Variants in NLRC5 observed in about 807,000 individuals in gnomAD.
NLRC5 encodes the protein protein NLRC5.
Under a neutral mutation model 206.9 loss-of-function variants are expected in NLRC5, and 114 were observed. The ratio of observed to expected loss-of-function variants is 0.55; its 90% CI spans 0.47 to 0.64. The LOEUF (loss-of-function observed/expected upper bound fraction) is 0.64. Ranked by LOEUF, NLRC5 falls within the 30% of genes least tolerant of loss-of-function variation. The pLI is 0.00. For synonymous variants in NLRC5, 952 were observed against 962.8 expected, an observed-to-expected ratio of 0.99 and a Z score of 0.21; for missense variants, 2,008 against 2,305.5, an observed-to-expected ratio of 0.87 and a Z score of 2.64.
Position 57,082,722 on chromosome 16 carries a change from C to A in NLRC5, c.*194C>A. On this transcript the variant is annotated 3_prime_UTR_variant, in exon 49 of 49. Transcript: ENST00000688547. Reference sequence around the variant, plus strand: ...TTGGGAACCAGGAGCTGGGTCTGGACAAAGGAGTACCCTGCATTACGTGGG... The same window carrying A: ...TTGGGAACCAGGAGCTGGGTCTGGAAAAAGGAGTACCCTGCATTACGTGGG... The A allele has an allele frequency of 1.8e-6, 1 of 549,638 alleles. No individual in the cohort carries two copies. Among genetic ancestry groups the A allele is most frequent in the South Asian group, 2.6e-5 (1 of 39,146 alleles). 34.0% of individuals were successfully genotyped at this position (549,638 alleles called of 1,614,324 possible).
In NLRC5 at chr16:57,025,669, C is replaced by T. The variant is rs377737368; in HGVS notation, c.726C>T (p.Cys242=). 10 of 1,613,994 alleles carry T rather than the reference C, an allele frequency of 6.2e-6. No individual in the cohort carries two copies. Among genetic ancestry groups the T allele is most frequent in the South Asian group, 1.1e-5 (1 of 91,086 alleles). ...AGACCACGCTGGCCCACCGGCTCTG[C>T]CAGAAGTGGGCAGAGGGCCATCTGA... is the stretch of plus-strand genomic sequence containing the variant. ...MGKTTLAHRL[C]QKWAEGHLNC... is the part of the protein sequence containing the mutation. Residue 242 remains cysteine, a synonymous_variant, in exon 6 of 49, where the codon TGC becomes TGT. Transcript: ENST00000688547.
At chr16:57,024,580 C>T (rs953286969) in intron 5 of NLRC5, among the ~76,000 whole-genome samples, 9 of 152,326 alleles carry the variant, frequency 5.9e-5, no homozygotes, top group Non-Finnish European at 1.2e-4. Context: ...ACTGTAGGGG[C>T]CCAGCTCCCA....
chr16:57,028,215 C>T (rs1157786972), intron 7 of NLRC5, 60 bp downstream of exon 7: 1 of 1,569,796 alleles, frequency 6.4e-7, no homozygotes. Context: ...TACTCTCCTC[C>T]CTCTCCTTAA....
intron 22 of NLRC5, among the ~76,000 whole-genome samples, chr16:57,046,887 T>C (rs1242927831): frequency 6.6e-6 from 1 of 152,194 alleles, no homozygotes; most frequent in African/African-American, 2.4e-5. Flanking sequence ...CACATTTCTG[T>C]GAAGCAAACA....
intron 15 of NLRC5, among the ~76,000 whole-genome samples, 180 bp from the exon 16 acceptor site, chr16:57,039,601 C>T (rs2063028735): frequency 6.6e-6 from 1 of 152,072 alleles, no homozygotes; most frequent in Non-Finnish European, 1.5e-5. Context: ...CCTGTAATCC[C>T]AGCTACTCAG....
At chr16:57,070,762 G>A (rs2067558245) in intron 38 of NLRC5, 144 bp downstream of exon 38, 1 of 691,242 alleles carries the variant, frequency 1.4e-6, no homozygotes, top group Admixed American at 2.2e-5. Flanking sequence ...GTGAGTGAGT[G>A]GTGGGAGTGG....
At position 57,030,080 on chromosome 16, in the gene NLRC5, G is replaced by A. The variant is rs1182174721; in HGVS notation, c.2413G>A (p.Ala805Thr). 3.7e-6 allele frequency: 6 copies of A among 1,613,832 alleles called. No homozygotes were observed. Among genetic ancestry groups the A allele is most frequent in the Non-Finnish European group, 5.1e-6 (6 of 1,179,840 alleles). Residue 805 changes from alanine (A) to threonine (T), a missense_variant, in exon 10 of 49, where the codon GCC becomes ACC. Transcript: ENST00000688547. Reference protein sequence around the residue: ...VTCPTVRMLQAREADLIFLLS... With the variant: ...VTCPTVRMLQTREADLIFLLS... Reference sequence around the variant, plus strand: ...GTGTCCTACCGTCAGGATGCTTCAGGCCAGGTGAGCAGAAGGAAAGGGATC... The same window carrying A: ...GTGTCCTACCGTCAGGATGCTTCAGACCAGGTGAGCAGAAGGAAAGGGATC...
chr16:57,024,398 C>G (rs953126677), intron 5 of NLRC5, among the ~76,000 whole-genome samples: 39 of 152,348 alleles, frequency 2.6e-4, no homozygotes, highest in African/African-American at 8.7e-4. Context: ...CTAGAGCCTT[C>G]TCTGCCCCCA....
At chr16:57,076,685 C>T (rs918432343) in intron 39 of NLRC5, 134 bp from the exon 40 acceptor site, 104 of 757,470 alleles carry the variant, frequency 1.4e-4, no homozygotes, top group Non-Finnish European at 2.2e-4. Context: ...CCTGCCATGA[C>T]CCCCAGAAGT....
intron 39 of NLRC5, among the ~76,000 whole-genome samples, chr16:57,076,213 C>T (rs1318032825): frequency 6.6e-6 from 1 of 152,198 alleles, no homozygotes; most frequent in East Asian, 1.9e-4. Flanking sequence ...CTGCTCCCAG[C>T]CCCATTAAAA....
chr16:57,045,577 C>G (rs2063838936), intron 21 of NLRC5, 85 bp downstream of exon 21: 5 of 1,347,312 alleles, frequency 3.7e-6, no homozygotes, highest in Admixed American at 1.7e-5. Context: ...CAGACCCATG[C>G]TGACCACTCA....
In NLRC5 at chr16:57,059,058, T is replaced by A; in HGVS notation, c.3917T>A (p.Val1306Glu). Reference sequence around the variant, plus strand: ...TGCCCACGTGTCCGGGAGGCCTCAGTGAAGTAAGGGGATGTTGGTCCCCGA... The same window carrying A: ...TGCCCACGTGTCCGGGAGGCCTCAGAGAAGTAAGGGGATGTTGGTCCCCGA... ...PSCPRVREAS[V>E]NLGSEQSFRI... Residue 1306 changes from valine (V) to glutamate (E), a missense_variant, in exon 29 of 49, where the codon GTG (valine) becomes GAG (glutamate). Physicochemically the swap from Val to Glu is moderately radical, Grantham distance 121. Coordinates refer to ENST00000688547, the MANE Select transcript of NLRC5 (RefSeq NM_001384950.1). 2 of 1,613,960 alleles carry A rather than the reference T, an allele frequency of 1.2e-6. No individual in the cohort carries two copies. The highest frequency in any genetic ancestry group is 1.7e-6 in the Non-Finnish European group (2 of 1,180,002).
chr16:57,034,328 T>A, intron 13 of NLRC5, 77 bp downstream of exon 13: 1 of 697,944 alleles, frequency 1.4e-6, no homozygotes, highest in Non-Finnish European at 2.4e-6. Flanking sequence ...CGCCTTTGGG[T>A]GGGTGGTGTG....
At chr16:57,054,288 A>G (rs1005477498) in intron 24 of NLRC5, among the ~76,000 whole-genome samples, 1 of 152,176 alleles carries the variant, frequency 6.6e-6, no homozygotes, top group African/African-American at 2.4e-5. Context: ...ATTGGACCTC[A>G]CATCTCAATA....
At chr16:57,074,767 GC>G in intron 39 of NLRC5, 84 bp downstream of exon 39, 1 of 1,320,842 alleles carries the variant, frequency 7.6e-7, no homozygotes, top group Non-Finnish European at 1.1e-6. Context: ...AAGCACTGAG[GC>G]CACCTCCCAG....
At chr16:57,027,357 C>T (rs1019372424) in intron 6 of NLRC5, among the ~76,000 whole-genome samples, 1 of 152,108 alleles carries the variant, frequency 6.6e-6, no homozygotes, top group Non-Finnish European at 1.5e-5. Context: ...GTTCCTAAAA[C>T]GAATCTGTAA....
chr16:57,061,633 C>T lies in NLRC5; in HGVS notation c.4086C>T (p.Cys1362=). 3 of 1,610,350 alleles carry T rather than the reference C, an allele frequency of 1.9e-6. No homozygotes were observed. The highest frequency in any genetic ancestry group is 2.5e-6 in the Non-Finnish European group (3 of 1,179,282). Residue 1362 remains cysteine, a synonymous_variant, in exon 32 of 49, where the codon TGC becomes TGT. Transcript: ENST00000688547. The part of the protein sequence containing the change: ...QLTELTLTQC[C]LGQKQLAILL... Reference sequence around the variant, plus strand: ...CTGTCTCCAGGCTGACCCAGTGCTGCCTGGGCCAGAAGCAGCTGGCCATCC... The same window carrying T: ...CTGTCTCCAGGCTGACCCAGTGCTGTCTGGGCCAGAAGCAGCTGGCCATCC...
chr16:57,027,062 G>T (rs751140503), intron 6 of NLRC5, 44 bp downstream of exon 6: 10 of 1,580,924 alleles, frequency 6.3e-6, no homozygotes, highest in African/African-American at 5.4e-5. Context: ...TTGGGCTTTT[G>T]GGGGAGCAGA....
intron 30 of NLRC5, 47 bp from the exon 31 acceptor site, chr16:57,061,401 G>C (rs780170386): frequency 6.4e-7 from 1 of 1,572,016 alleles, no homozygotes; most frequent in Non-Finnish European, 8.7e-7. Context: ...CTGAGCAGCA[G>C]TGCCCACAGG....
Sources: allele counts gnomAD v4.1 joint callset (sites outside exome capture counted in the v4.1 genomes callset), GRCh38; gene constraint gnomAD v4.1.1; transcripts MANE v1.5; gene names NCBI Gene and HGNC (gene_info 2026-07-23, HGNC 2026-07-21).